Variants in RALGPS1 observed in about 807,000 individuals in gnomAD.
The protein encoded by RALGPS1 is Ral GEF with PH domain and SH3 binding motif 1, also known as ras-specific guanine nucleotide-releasing factor RalGPS1.
A neutral mutation model predicts 78.8 loss-of-function variants in RALGPS1; 19 were observed. That is an observed-to-expected ratio of 0.24 (90% CI 0.17 to 0.35). The LOEUF (loss-of-function observed/expected upper bound fraction) is 0.35. RALGPS1 is among the 10% of genes least tolerant of loss of function. The probability of loss-of-function intolerance (pLI) is 1.00; values close to 1 mark genes in which losing one functional copy is unlikely to be tolerated. For synonymous variants in RALGPS1, 228 were observed against 256.3 expected, an observed-to-expected ratio of 0.89 and a Z score of 1.06; for missense variants, 454 against 688.3, an observed-to-expected ratio of 0.66 and a Z score of 3.81.
chr9:126,927,644 C>T (rs376426346), intron 1 of RALGPS1, among the ~76,000 whole-genome samples: 1 of 152,176 alleles, frequency 6.6e-6, no homozygotes, highest in Non-Finnish European at 1.5e-5. Context: ...GTCTCTACCC[C>T]CTTCAGCGCC....
intron 8 of RALGPS1, among the ~76,000 whole-genome samples, chr9:127,082,101 G>C (rs2051233159): frequency 6.6e-6 from 1 of 152,214 alleles, no homozygotes. Context: ...GCCAGGCCTG[G>C]AAGCATGGAT....
chr9:127,118,913 A>G (rs1005994004), intron 8 of RALGPS1, among the ~76,000 whole-genome samples: 1 of 152,202 alleles, frequency 6.6e-6, no homozygotes. Context: ...ATGTTTTCTC[A>G]GAAATTGCTC....
chr9:127,204,345 A>G (rs2061815700), intron 14 of RALGPS1, among the ~76,000 whole-genome samples: 1 of 151,520 alleles, frequency 6.6e-6, no homozygotes, highest in Admixed American at 6.6e-5. Flanking sequence ...TTTTATTTTC[A>G]TTTTTCAGTA....
At chr9:127,112,910 C>G (rs1006108141) in intron 8 of RALGPS1, among the ~76,000 whole-genome samples, 6 of 152,206 alleles carry the variant, frequency 3.9e-5, no homozygotes, top group African/African-American at 7.2e-5. Context: ...CATTCCAACA[C>G]TCAGAGTGAC....
intron 3 of RALGPS1, among the ~76,000 whole-genome samples, chr9:126,967,301 T>G (rs1229748647): frequency 6.6e-6 from 1 of 152,156 alleles, no homozygotes; most frequent in Admixed American, 6.5e-5. Context: ...CCTCCTCTTC[T>G]GCCCCCACCT....
At chr9:127,035,479 A>G (rs2046786238) in intron 5 of RALGPS1, among the ~76,000 whole-genome samples, 1 of 152,164 alleles carries the variant, frequency 6.6e-6, no homozygotes, top group Non-Finnish European at 1.5e-5. Flanking sequence ...GATTTCCTTC[A>G]TTCTTATTTT....
chr9:127,029,536 T>C (rs2046241605), intron 4 of RALGPS1, among the ~76,000 whole-genome samples: 1 of 152,238 alleles, frequency 6.6e-6, no homozygotes, highest in Non-Finnish European at 1.5e-5. Flanking sequence ...TGATGTGCTG[T>C]TGGCTGGTGC....
intron 11 of RALGPS1, among the ~76,000 whole-genome samples, chr9:127,185,974 C>T (rs1360467636): frequency 2.0e-5 from 3 of 152,188 alleles, no homozygotes; most frequent in East Asian, 1.9e-4. Context: ...CTCAAGGTCA[C>T]TCATCCTGCA....
chr9:127,181,253 G>A (rs957036290), intron 11 of RALGPS1, among the ~76,000 whole-genome samples: 11 of 152,248 alleles, frequency 7.2e-5, no homozygotes, highest in African/African-American at 2.4e-4. Flanking sequence ...CAAGAGTTAC[G>A]TAATACCAGT....
chr9:126,956,057 G>A (rs961116932), intron 1 of RALGPS1, among the ~76,000 whole-genome samples: 2 of 152,154 alleles, frequency 1.3e-5, no homozygotes, highest in African/African-American at 2.4e-5. Flanking sequence ...TGACCAGACT[G>A]TCCCTGCATG....
At chr9:127,181,983 C>T (rs1022604647) in intron 11 of RALGPS1, among the ~76,000 whole-genome samples, 2 of 151,960 alleles carry the variant, frequency 1.3e-5, no homozygotes, top group Non-Finnish European at 2.9e-5. Flanking sequence ...AGGAGGGCCC[C>T]TCCCGCCCAT....
At chr9:127,113,034 T>C (rs1589552557) in intron 8 of RALGPS1, among the ~76,000 whole-genome samples, 1 of 152,234 alleles carries the variant, frequency 6.6e-6, no homozygotes, top group Non-Finnish European at 1.5e-5. Context: ...ACTACATTGA[T>C]TCTGAGTCCT....
At chr9:126,938,274 T>C (rs1053497780) in intron 1 of RALGPS1, among the ~76,000 whole-genome samples, 2 of 152,220 alleles carry the variant, frequency 1.3e-5, no homozygotes, top group African/African-American at 4.8e-5. Flanking sequence ...GTTTAAAAAA[T>C]CTGCTACCCT....
At chr9:126,919,991 C>T (rs960997795) in intron 1 of RALGPS1, among the ~76,000 whole-genome samples, 6 of 152,126 alleles carry the variant, frequency 3.9e-5, no homozygotes, top group Admixed American at 3.3e-4. Context: ...TTAATTTTTC[C>T]AGGCACCCTC....
intron 8 of RALGPS1, among the ~76,000 whole-genome samples, chr9:127,137,035 G>T (rs867100745): frequency 3.9e-5 from 6 of 152,298 alleles, no homozygotes; most frequent in Admixed American, 6.5e-5. Context: ...CCTTGGGAGA[G>T]GGGTATATTT....
rs1564817888 is a variant in RALGPS1, at chr9:127,218,747, C to T, written c.1652C>T (p.Ala551Val). 1 of 1,614,104 alleles carries T rather than the reference C, an allele frequency of 6.2e-7. No individual in the cohort carries two copies. Among genetic ancestry groups the T allele is most frequent in the Non-Finnish European group, 8.5e-7 (1 of 1,179,914 alleles). The change falls in exon 19 of 19, where the codon GCA becomes GTA. Residue 551 changes from alanine (A) to valine (V), a missense_variant. Physicochemically the swap from Ala to Val is moderately conservative, Grantham distance 64 (BLOSUM62 0). Coordinates refer to ENST00000259351, the MANE Select transcript of RALGPS1 (RefSeq NM_014636.3). This position sits in a 1 kb window ranked among gnomAD's most constrained non-coding sequence, Gnocchi z 4.4. ...ACKSNRPQVP[A>V]NLMSFE is the part of the protein sequence containing the mutation. ...CTGAGCTTTCTCTTCTAGGTACCTG[C>T]AAACCTTATGTCATTTGAGTAAGTC... is the stretch of plus-strand genomic sequence containing the variant.
intron 4 of RALGPS1, among the ~76,000 whole-genome samples, chr9:127,020,657 G>A (rs2045353865): frequency 6.6e-6 from 1 of 152,220 alleles, no homozygotes; most frequent in East Asian, 1.9e-4. Flanking sequence ...GACAAAAGCA[G>A]ATTATAAAAC....
chr9:127,093,307 T>C (rs2052702225), intron 8 of RALGPS1, among the ~76,000 whole-genome samples: 1 of 152,160 alleles, frequency 6.6e-6, no homozygotes, highest in South Asian at 2.1e-4. Flanking sequence ...CAGGACTTTT[T>C]GGGGGATTCT....
At chr9:127,181,287 C>T (rs2060202700) in intron 11 of RALGPS1, among the ~76,000 whole-genome samples, 1 of 152,238 alleles carries the variant, frequency 6.6e-6, no homozygotes, top group Non-Finnish European at 1.5e-5. Flanking sequence ...CTGCTTTGAG[C>T]CTGTACTCTC....
Sources: gnomAD v4.1 joint callset for allele counts (sites outside exome capture counted in the v4.1 genomes callset) on GRCh38, gnomAD v4.1.1 for gene constraint, Gnocchi (gnomAD v3.1) non-coding constraint, MANE v1.5 for transcripts, NCBI Gene and HGNC (gene_info 2026-07-23, HGNC 2026-07-21) for gene names.